TMTC1: variants seen among roughly 807,000 people sequenced by gnomAD.
TMTC1 encodes protein O-mannosyl-transferase TMTC1.
Under a neutral mutation model 104.8 loss-of-function variants are expected in TMTC1, and 73 were observed. That is an observed-to-expected ratio of 0.70 (90% CI 0.58 to 0.85). The LOEUF (loss-of-function observed/expected upper bound fraction) is 0.85. TMTC1 is among the 40% of genes least tolerant of loss of function. TMTC1 has a pLI of 0.00. For missense variants in TMTC1, 1,035 were observed against 1,096.1 expected, an observed-to-expected ratio of 0.94 and a Z score of 0.79; for synonymous variants, 434 against 428.7, an observed-to-expected ratio of 1.01 and a Z score of -0.15.
intron 5 of TMTC1, among the ~76,000 whole-genome samples, chr12:29,735,387 A>G (rs302369): frequency 0.37 from 56,864 of 151,982 alleles, 10,742 homozygotes; most frequent in South Asian, 0.45. Context: ...TGCAAAATGC[A>G]GATAAGAATG....
intron 5 of TMTC1, among the ~76,000 whole-genome samples, chr12:29,668,567 C>T (rs1030232623): frequency 1.4e-5 from 2 of 147,026 alleles, no homozygotes; most frequent in African/African-American, 2.5e-5. Flanking sequence ...TTCAAGTGAT[C>T]CTCCTGCCTC....
At chr12:29,543,384 T>C (rs1333264426) in intron 10 of TMTC1, among the ~76,000 whole-genome samples, 1 of 152,214 alleles carries the variant, frequency 6.6e-6, no homozygotes, top group Non-Finnish European at 1.5e-5. Flanking sequence ...ACATATTCAT[T>C]TAAACTGAAA....
At chr12:29,682,772 C>T (rs2136721306) in intron 5 of TMTC1, among the ~76,000 whole-genome samples, 1 of 152,218 alleles carries the variant, frequency 6.6e-6, no homozygotes, top group Non-Finnish European at 1.5e-5. Flanking sequence ...GTGGGTGTAA[C>T]TACAAAGAGA....
rs1352222381 is a variant in TMTC1 at position 29,652,214 on chromosome 12, T to C, written c.939-18878A>G. Among the ~76,000 whole-genome samples the C allele has an allele frequency of 2.6e-5, 4 of 152,194 alleles. No individual in the cohort carries two copies. The East Asian group carries it at 7.7e-4, about 29-fold the overall frequency. Reference sequence around the variant, plus strand: ...AGGAAAGGGAAAATGCAATGGGAGATGTCCCATGAGAATGTAAGGTTCTAG... The same window carrying C: ...AGGAAAGGGAAAATGCAATGGGAGACGTCCCATGAGAATGTAAGGTTCTAG... On this transcript the variant is annotated intron_variant, in intron 5 of 17. Coordinates refer to ENST00000539277, the MANE Select transcript of TMTC1 (RefSeq NM_001193451.2).
intron 5 of TMTC1, among the ~76,000 whole-genome samples, chr12:29,703,257 G>A (rs1198931022): frequency 6.6e-6 from 1 of 152,114 alleles, no homozygotes. Context: ...GCATGAAAGA[G>A]TCATGGGAGG....
intron 5 of TMTC1, among the ~76,000 whole-genome samples, chr12:29,742,557 T>C (rs915907594): frequency 3.3e-5 from 5 of 152,196 alleles, no homozygotes; most frequent in African/African-American, 7.2e-5. Context: ...TATAAGGTCA[T>C]CTATCTAAAA....
chr12:29,601,455 AC>A (rs1946562720), intron 7 of TMTC1, among the ~76,000 whole-genome samples: 1 of 152,046 alleles, frequency 6.6e-6, no homozygotes, highest in Non-Finnish European at 1.5e-5. Flanking sequence ...GTCACCCAGA[AC>A]CCCCAGCTCC....
chr12:29,511,926 T>A (rs1555161759), intron 17 of TMTC1, 117 bp downstream of exon 17: 16 of 1,026,822 alleles, frequency 1.6e-5, no homozygotes, highest in South Asian at 1.3e-4. Context: ...ACTTTTGATA[T>A]TCAAATGATT....
At chr12:29,724,329 A>G (rs10083018) in intron 5 of TMTC1, among the ~76,000 whole-genome samples, 58,435 of 151,992 alleles carry the variant, frequency 0.38, 11,774 homozygotes, top group Non-Finnish European at 0.46. Context: ...CCAGTTTGGG[A>G]GAAGAAATAG....
chr12:29,604,255 C>T lies in TMTC1; in HGVS notation c.1173G>A (p.Val391=). ...KEVLVGLLFL[V]FPFIPASNLF... is the part of the protein sequence containing the mutation. ...GGTTGCTGGCTGGAATGAACGGGAA[C>T]ACCAGGAACAACAAGCCGACTAAAA... is the stretch of plus-strand genomic sequence containing the variant. Residue 391 remains valine, a synonymous_variant, in exon 7 of 18, where the codon GTG becomes GTA. Coordinates refer to ENST00000539277, the MANE Select transcript of TMTC1 (RefSeq NM_001193451.2). 6.2e-7 allele frequency: 1 copy of T among 1,613,960 alleles called. No homozygotes were observed. The highest frequency in any genetic ancestry group is 8.5e-7 in the Non-Finnish European group (1 of 1,179,892).
At chr12:29,598,091 G>A (rs1946461451) in intron 7 of TMTC1, among the ~76,000 whole-genome samples, 2 of 152,216 alleles carry the variant, frequency 1.3e-5, no homozygotes, top group South Asian at 4.1e-4. Context: ...CCTATTCAAT[G>A]ATTCTTTCAA....
intron 5 of TMTC1, among the ~76,000 whole-genome samples, chr12:29,692,372 G>T (rs993869695): frequency 1.4e-5 from 2 of 142,036 alleles, no homozygotes; most frequent in African/African-American, 5.4e-5. Context: ...TGCTCTGAGG[G>T]CCAACGAAAT....
chr12:29,591,046 G>A (rs1468561168), intron 7 of TMTC1, among the ~76,000 whole-genome samples: 1 of 152,092 alleles, frequency 6.6e-6, no homozygotes, highest in Non-Finnish European at 1.5e-5. Context: ...CAAATAACAT[G>A]AAAAATGTTA....
At chr12:29,728,647 C>T (rs1942465895) in intron 5 of TMTC1, among the ~76,000 whole-genome samples, 1 of 151,940 alleles carries the variant, frequency 6.6e-6, no homozygotes, top group Non-Finnish European at 1.5e-5. Flanking sequence ...GACCGCTGAA[C>T]CAGGAATTAT....
Position 29,666,538 on chromosome 12 carries a change from CT to C in TMTC1, c.939-33203del, listed in dbSNP as rs1940296277. 2.6e-5 allele frequency among the ~76,000 whole-genome samples: 4 copies of C among 152,182 alleles called. No individual in the cohort carries two copies. In the South Asian group the frequency reaches 8.3e-4, roughly 32 times the overall value. On this transcript the variant is annotated intron_variant, in intron 5 of 17. Coordinates refer to ENST00000539277, the MANE Select transcript of TMTC1 (RefSeq NM_001193451.2). ...GTGAGCCACCACACCCGGCCTACCC[CT>C]TTTCTTTTTCTGTGTTTTCCTTACC...
At chr12:29,651,087 A>G (rs1267496800) in intron 5 of TMTC1, among the ~76,000 whole-genome samples, 1 of 152,144 alleles carries the variant, frequency 6.6e-6, no homozygotes, top group Non-Finnish European at 1.5e-5. Context: ...GCACATGACT[A>G]CTTCTGGCCT....
At chr12:29,726,290 C>T (rs1262690974) in intron 5 of TMTC1, among the ~76,000 whole-genome samples, 3 of 152,190 alleles carry the variant, frequency 2.0e-5, no homozygotes, top group Non-Finnish European at 4.4e-5. Flanking sequence ...AACCAGCTCA[C>T]TAGCTGTATT....
At chr12:29,518,884 T>TG (rs2136152515) in intron 12 of TMTC1, among the ~76,000 whole-genome samples, 1 of 152,334 alleles carries the variant, frequency 6.6e-6, no homozygotes, top group East Asian at 1.9e-4. Context: ...TTAGTCGAAA[T>TG]TTTTCTGGTC....
At chr12:29,597,800 C>T (rs762110409) in intron 7 of TMTC1, among the ~76,000 whole-genome samples, 2 of 152,042 alleles carry the variant, frequency 1.3e-5, no homozygotes, top group South Asian at 2.1e-4. Flanking sequence ...GTAAAGCTTC[C>T]GCCCAAAAAA....
Sources: allele counts gnomAD v4.1 joint callset (sites outside exome capture counted in the v4.1 genomes callset), GRCh38; gene constraint gnomAD v4.1.1; transcripts MANE v1.5; gene names NCBI Gene and HGNC (gene_info 2026-07-23, HGNC 2026-07-21).